Variants in LPO observed in about 807,000 individuals in gnomAD.
The protein encoded by LPO is salivary peroxidase.
LPO carries 70 observed loss-of-function variants against 68.4 expected under a neutral mutation model. The ratio of observed to expected loss-of-function variants is 1.02; its 90% CI spans 0.84 to 1.25. The LOEUF (loss-of-function observed/expected upper bound fraction) is 1.25. Ranked by LOEUF, LPO falls within the 50% of genes most tolerant of loss-of-function variation. LPO has a pLI of 0.00. For synonymous variants in LPO, 360 were observed against 357.6 expected (o/e 1.01, Z -0.08); for missense variants, 873 against 908.4 (o/e 0.96, Z 0.50).
At chr17:58,253,022 CAAAAAAAAAAAAAA>C (rs765890765) in intron 8 of LPO, among the ~76,000 whole-genome samples, 1 of 31,094 alleles carries the variant, frequency 3.2e-5, no homozygotes, top group African/African-American at 1.3e-4. Context: ...GACTCCATCT[CAAAAAAAAAAAAAA>C]AAAAAAAAAA....
chr17:58,257,238 T>C (rs1970090053), intron 9 of LPO, among the ~76,000 whole-genome samples: 1 of 152,082 alleles, frequency 6.6e-6, no homozygotes, highest in South Asian at 2.1e-4. Flanking sequence ...CTGGCCATCA[T>C]TCTATTTTTT....
chr17:58,246,536 G>A (rs1199273766), intron 3 of LPO, among the ~76,000 whole-genome samples: 1 of 152,188 alleles, frequency 6.6e-6, no homozygotes, highest in African/African-American at 2.4e-5. Flanking sequence ...GTGAGTCCCT[G>A]GTGAATCTGT....
At chr17:58,251,764 G>GT (rs998020139) in intron 7 of LPO, 30 of 475,018 alleles carry the variant, frequency 6.3e-5, no homozygotes, top group South Asian at 4.6e-5. Context: ...ACCTTACAGG[G>GT]TTTTTTTGAG....
At chr17:58,256,458 T>C (rs1314250247) in intron 9 of LPO, among the ~76,000 whole-genome samples, 1 of 151,602 alleles carries the variant, frequency 6.6e-6, no homozygotes, top group Non-Finnish European at 1.5e-5. Flanking sequence ...TAGGCGCCTA[T>C]ATGTATGGGG....
intron 1 of LPO, among the ~76,000 whole-genome samples, chr17:58,242,465 C>G (rs1265051565): frequency 6.6e-6 from 1 of 152,142 alleles, no homozygotes; most frequent in African/African-American, 2.4e-5. Flanking sequence ...TGGGGCTGGG[C>G]CAGAGGAAAC....
At chr17:58,246,585 G>A (rs991773829) in intron 3 of LPO, among the ~76,000 whole-genome samples, 4 of 152,192 alleles carry the variant, frequency 2.6e-5, no homozygotes, top group Admixed American at 6.5e-5. Flanking sequence ...AGGGCCGGGC[G>A]GGAAAGGAAG....
At position 58,249,549 on chromosome 17, in the gene LPO, G is replaced by T. The variant is rs1330940315; in HGVS notation, c.444-17G>T. ...AGCCGGCCTGCCGAAGCTCAGCGAG[G>T]ATCGTGCTGGTTTCAGGAGGAAGCC... On this transcript the variant is annotated splice_polypyrimidine_tract_variant and intron_variant, in intron 5 of 12. Coordinates refer to ENST00000262290, the MANE Select transcript of LPO (RefSeq NM_006151.3). 1.9e-6 allele frequency: 3 copies of T among 1,602,290 alleles called. No homozygotes were observed. Among genetic ancestry groups the T allele is most frequent in the Admixed American group, 1.7e-5 (1 of 59,650 alleles).
intron 11 of LPO, among the ~76,000 whole-genome samples, chr17:58,266,942 A>G (rs948317112): frequency 8.5e-5 from 13 of 152,246 alleles, no homozygotes; most frequent in African/African-American, 2.7e-4. Context: ...AGAGAAACCA[A>G]TGACTGTTGG....
intron 1 of LPO, among the ~76,000 whole-genome samples, chr17:58,242,615 T>C (rs1349224604): frequency 6.6e-6 from 1 of 152,184 alleles, no homozygotes; most frequent in African/African-American, 2.4e-5. Context: ...CAGGGCAGAA[T>C]TGAACATTCT....
chr17:58,239,759 C>G (rs1969720386), intron 1 of LPO, among the ~76,000 whole-genome samples: 1 of 152,142 alleles, frequency 6.6e-6, no homozygotes, highest in African/African-American at 2.4e-5. Flanking sequence ...TCACCTGGAG[C>G]TTACTGGAAA....
At chr17:58,263,898 C>A (rs1453833208) in intron 9 of LPO, among the ~76,000 whole-genome samples, 1 of 152,150 alleles carries the variant, frequency 6.6e-6, no homozygotes, top group Non-Finnish European at 1.5e-5. Flanking sequence ...TTGGGGGCTT[C>A]CCACTCAATC....
At chr17:58,256,421 T>TTTTA (rs60626632) in intron 9 of LPO, among the ~76,000 whole-genome samples, 42 of 149,464 alleles carry the variant, frequency 2.8e-4, no homozygotes, top group African/African-American at 1.0e-3. Context: ...TTTTTTTTTT[T>TTTTA]AATTTTTTAA....
chr17:58,250,365 C>A, intron 6 of LPO, 50 bp from the exon 7 acceptor site: 1 of 1,463,500 alleles, frequency 6.8e-7, no homozygotes, highest in Non-Finnish European at 9.6e-7. Flanking sequence ...TCTGAATCCT[C>A]AAAGCACTTT....
At chr17:58,264,222 T>G (rs1970219589) in intron 9 of LPO, among the ~76,000 whole-genome samples, 1 of 152,220 alleles carries the variant, frequency 6.6e-6, no homozygotes, top group South Asian at 2.1e-4. Flanking sequence ...TTCTGAAAAT[T>G]TTTTATTTGT....
At chr17:58,254,091 A>G (rs1369135610) in intron 8 of LPO, among the ~76,000 whole-genome samples, 3 of 152,112 alleles carry the variant, frequency 2.0e-5, no homozygotes, top group African/African-American at 4.8e-5. Context: ...CAGCCTGGGC[A>G]ACAGAGCAAG....
In LPO at chr17:58,268,003, G is replaced by C. The variant is rs377415229; in HGVS notation, c.*9G>C. 1 of 1,612,586 alleles carries C rather than the reference G, an allele frequency of 6.2e-7. No individual in the cohort carries two copies. Among genetic ancestry groups the C allele is most frequent in the Non-Finnish European group, 8.5e-7 (1 of 1,179,924 alleles). On this transcript the variant is annotated 3_prime_UTR_variant, in exon 13 of 13. Coordinates refer to ENST00000262290, the MANE Select transcript of LPO (RefSeq NM_006151.3). ...CCTCAGTGAAGAATTAGGGGCCCGC[G>C]CTGCACAGGAAAGTTCCCTTTGGTC...
chr17:58,263,795 G>A (rs1232932680), intron 9 of LPO, among the ~76,000 whole-genome samples: 1 of 152,092 alleles, frequency 6.6e-6, no homozygotes, highest in Non-Finnish European at 1.5e-5. Context: ...TTAGCATGTA[G>A]GTTCTGGACT....
chr17:58,252,458 C>T lies in LPO; in HGVS notation c.1057C>T (p.Pro353Ser), dbSNP rs1368452051. The T allele has an allele frequency of 2.5e-6, 4 of 1,613,968 alleles. No individual in the cohort carries two copies. The highest frequency in any genetic ancestry group is 1.3e-5 in the African/African-American group (1 of 75,032). ...GCCCTATGACAGCAAGAAGCCAAGCCCCTGTGAGTTCATCAACACCACTGC... is the reference window on the plus strand; with the variant it reads ...GCCCTATGACAGCAAGAAGCCAAGCTCCTGTGAGTTCATCAACACCACTGC... ...YLPYDSKKPS[P>S]CEFINTTARV... The change falls in exon 8 of 13, where the codon CCC becomes TCC. Residue 353 changes from proline to serine, a missense_variant. Coordinates refer to ENST00000262290, the MANE Select transcript of LPO (RefSeq NM_006151.3).
chr17:58,267,457 A>G lies in LPO; in HGVS notation c.1802A>G (p.Tyr601Cys), dbSNP rs1425544699. 4 of 1,614,020 alleles carry G rather than the reference A, an allele frequency of 2.5e-6. No individual in the cohort carries two copies. The highest frequency in any genetic ancestry group is 1.1e-5 in the South Asian group (1 of 91,090). The change falls in exon 12 of 13, where the codon TAC (tyrosine) becomes TGC (cysteine). Residue 601 changes from tyrosine (Y) to cysteine (C), a missense_variant. By Grantham distance (194) the Tyr-to-Cys change is radical. Coordinates refer to ENST00000262290, the MANE Select transcript of LPO (RefSeq NM_006151.3). The part of the protein sequence containing the change: ...KMLAKKLLGL[Y>C]GTPDNIDIWI... ...CTGGCCAAGAAGTTACTGGGTCTCT[A>G]CGGGACCCCTGACAACATCGACATC...
Sources: gnomAD v4.1 joint callset for allele counts (sites outside exome capture counted in the v4.1 genomes callset) on GRCh38, gnomAD v4.1.1 for gene constraint, MANE v1.5 for transcripts, NCBI Gene and HGNC (gene_info 2026-07-23, HGNC 2026-07-21) for gene names.